Variants in DOP1B observed in about 807,000 individuals in gnomAD.
DOP1B encodes protein DOP1B.
In DOP1B, 174 loss-of-function variants were observed where a neutral mutation model predicts 233.5. The ratio of observed to expected loss-of-function variants is 0.75; its 90% CI spans 0.66 to 0.85. DOP1B has a LOEUF of 0.85. Ranked by LOEUF, DOP1B falls within the 40% of genes least tolerant of loss-of-function variation. The pLI, the probability that DOP1B is intolerant of heterozygous loss-of-function variation, is 0.00. For missense variants in DOP1B, 2,652 were observed against 2,846.6 expected, an observed-to-expected ratio of 0.93 and a Z score of 1.56; for synonymous variants, 1,190 against 1,185.6, an observed-to-expected ratio of 1.00 and a Z score of -0.08.
chr21:36,280,036 C>T (rs554518921), intron 30 of DOP1B, among the ~76,000 whole-genome samples: 1 of 152,246 alleles, frequency 6.6e-6, no homozygotes, highest in South Asian at 2.1e-4. Flanking sequence ...CCACCACGCC[C>T]TGCTAATTTT....
intron 30 of DOP1B, among the ~76,000 whole-genome samples, chr21:36,278,789 A>T (rs2067383139): frequency 6.6e-6 from 1 of 152,156 alleles, no homozygotes; most frequent in Non-Finnish European, 1.5e-5. Context: ...GAATCGCTTG[A>T]ACCTGGGAAG....
At chr21:36,184,318 C>T (rs983815098) in intron 2 of DOP1B, among the ~76,000 whole-genome samples, 4 of 151,630 alleles carry the variant, frequency 2.6e-5, no homozygotes, top group Non-Finnish European at 5.9e-5. Flanking sequence ...CAGAGTGCTG[C>T]GATTACAGGT....
intron 4 of DOP1B, among the ~76,000 whole-genome samples, chr21:36,200,739 A>T (rs538083366): frequency 3.3e-5 from 5 of 151,518 alleles, no homozygotes; most frequent in Non-Finnish European, 7.4e-5. Flanking sequence ...GCTACTCGGG[A>T]GGCTGAGGCA....
At chr21:36,280,968 C>T (rs1055614766) in intron 31 of DOP1B, among the ~76,000 whole-genome samples, 3 of 151,942 alleles carry the variant, frequency 2.0e-5, no homozygotes, top group Non-Finnish European at 4.4e-5. Context: ...TGCCACTGCA[C>T]TCCAGCCTGG....
In DOP1B at chr21:36,223,230, G is replaced by A. The variant is rs1215652003; in HGVS notation, c.1251-1G>A. 1 of 1,596,232 alleles carries A rather than the reference G, an allele frequency of 6.3e-7. No individual in the cohort carries two copies. Among genetic ancestry groups the A allele is most frequent in the Non-Finnish European group, 8.5e-7 (1 of 1,174,948 alleles). On this transcript the variant is annotated splice_acceptor_variant, in intron 10 of 36. Coordinates refer to ENST00000691173, the MANE Select transcript of DOP1B (RefSeq NM_001320714.2). LOFTEE classifies it high-confidence loss of function. The stretch of plus-strand genomic sequence containing the variant: ...TTTATTCATGTCCTCCCCTTTTACA[G>A]TGCAATCAAGGAAAACAGAAATGCC...
In DOP1B at chr21:36,230,530, C is replaced by A; in HGVS notation, c.1746C>A (p.Pro582=). 1.9e-6 allele frequency: 3 copies of A among 1,614,040 alleles called. No individual in the cohort carries two copies. Among genetic ancestry groups the A allele is most frequent in the Non-Finnish European group, 2.5e-6 (3 of 1,179,934 alleles). ...CCGGTGACGAAGATGCTTCGTTTCCCCCTCTGAAGTCTGAGGACAGTGGGA... is the reference window on the plus strand; with the variant it reads ...CCGGTGACGAAGATGCTTCGTTTCCACCTCTGAAGTCTGAGGACAGTGGGA... The part of the protein sequence containing the change: ...VIPGDEDASF[P]PLKSEDSGIG... Residue 582 remains proline, a synonymous_variant, in exon 14 of 37, where the codon CCC becomes CCA. Coordinates refer to ENST00000691173, the MANE Select transcript of DOP1B (RefSeq NM_001320714.2).
chr21:36,256,920 C>CT (rs1419100238), intron 23 of DOP1B, among the ~76,000 whole-genome samples: 1 of 152,154 alleles, frequency 6.6e-6, no homozygotes, highest in African/African-American at 2.4e-5. Context: ...AATTCCTACT[C>CT]TATCTGCTTG....
At chr21:36,159,026 G>A (rs2065846253) in intron 1 of DOP1B, among the ~76,000 whole-genome samples, 1 of 151,976 alleles carries the variant, frequency 6.6e-6, no homozygotes, top group Admixed American at 6.6e-5. Context: ...CAGCTACTCG[G>A]GAGGCTGAGG....
intron 2 of DOP1B, among the ~76,000 whole-genome samples, chr21:36,167,846 T>TTA (rs1391550963): frequency 1.3e-5 from 2 of 151,998 alleles, no homozygotes; most frequent in African/African-American, 4.8e-5. Context: ...TTCATCCATG[T>TTA]TATAGTATGT....
chr21:36,171,107 A>G (rs1452336288), intron 2 of DOP1B, among the ~76,000 whole-genome samples: 1 of 152,204 alleles, frequency 6.6e-6, no homozygotes, highest in Non-Finnish European at 1.5e-5. Context: ...CCACTTGTGC[A>G]AGGCCACTGC....
intron 18 of DOP1B, among the ~76,000 whole-genome samples, chr21:36,241,740 C>T (rs1241955254): frequency 7.3e-6 from 1 of 137,692 alleles, no homozygotes; most frequent in African/African-American, 2.7e-5. Context: ...AGGGTTTCAC[C>T]ATGTTGGTCA....
rs539630662 is a variant in DOP1B, at chr21:36,283,601, CTG to C, written c.6160+1993_6160+1994del. Reference sequence around the variant, plus strand: ...CAGTTGGCGTGCCTTGCTTGAATAACTGTGATAGGAGGATGATTTAATCAGAC... The same window carrying C: ...CAGTTGGCGTGCCTTGCTTGAATAACTGATAGGAGGATGATTTAATCAGAC... On this transcript the variant is annotated intron_variant, in intron 32 of 36. Transcript: ENST00000691173. 3.7e-3 allele frequency among the ~76,000 whole-genome samples: 557 copies of C among 152,266 alleles called. 3 individuals are homozygous for C. The highest frequency in any genetic ancestry group is 6.3e-3 in the Non-Finnish European group (429 of 68,028).
In DOP1B at chr21:36,245,505, G is replaced by A; in HGVS notation, c.3525G>A (p.Lys1175=). The change falls in exon 19 of 37, where the codon AAG becomes AAA. Residue 1175 remains lysine (K), a synonymous_variant. Transcript: ENST00000691173. The surrounding 1 kb of genome is among the most constrained non-coding windows in gnomAD (Gnocchi z 5.5). The part of the protein sequence containing the change: ...FQSESFKAGA[K]LSLVRVDSDK... The stretch of plus-strand genomic sequence containing the variant: ...CAGAAAGCTTCAAGGCTGGGGCCAA[G>A]TTAAGCCTGGTGCGGGTGGACTCGG... 3 of 1,613,638 alleles carry A rather than the reference G, an allele frequency of 1.9e-6. No individual in the cohort carries two copies. The highest frequency in any genetic ancestry group is 2.5e-6 in the Non-Finnish European group (3 of 1,180,036).
At chr21:36,254,007 A>G in intron 23 of DOP1B, 98 bp downstream of exon 23, 1 of 1,442,146 alleles carries the variant, frequency 6.9e-7, no homozygotes, top group South Asian at 1.3e-5. Context: ...AGGGAAGGAT[A>G]GGTAACAAGA....
At chr21:36,284,547 G>A (rs899402540) in intron 32 of DOP1B, among the ~76,000 whole-genome samples, 1 of 152,052 alleles carries the variant, frequency 6.6e-6, no homozygotes, top group Non-Finnish European at 1.5e-5. Context: ...GGGATTACAG[G>A]CATGAGCCAC....
intron 23 of DOP1B, 85 bp from the exon 24 acceptor site, chr21:36,260,592 T>TGTTTG (rs2067158986): frequency 1.3e-6 from 2 of 1,581,942 alleles, no homozygotes; most frequent in Admixed American, 3.5e-5. Context: ...TTTGTTAGGC[T>TGTTTG]ATAGATCTGT....
At chr21:36,171,725 CTT>C (rs2065973413) in intron 2 of DOP1B, among the ~76,000 whole-genome samples, 1 of 152,186 alleles carries the variant, frequency 6.6e-6, no homozygotes, top group Non-Finnish European at 1.5e-5. Context: ...TGATTTCAGA[CTT>C]AACATGAGAG....
Position 36,224,491 on chromosome 21 carries a change from TA to T in DOP1B, c.1371-1061del, listed in dbSNP as rs760926570. 5.8e-3 allele frequency among the ~76,000 whole-genome samples: 827 copies of T among 142,772 alleles called. 1 individual carries two copies. The highest frequency in any genetic ancestry group is 5.6e-3 in the Non-Finnish European group (366 of 64,954). 93.7% of individuals were successfully genotyped at this position (142,772 alleles called of 152,430 possible). ...CGCCGCATCTGGCCATCCTGGTTAT[TA>T]AAAAAAAAAAAAGAATAAAATGTTT... is the stretch of plus-strand genomic sequence containing the variant. On this transcript the variant is annotated intron_variant, in intron 11 of 36. Coordinates refer to ENST00000691173, the MANE Select transcript of DOP1B (RefSeq NM_001320714.2).
intron 2 of DOP1B, among the ~76,000 whole-genome samples, chr21:36,196,292 G>A (rs1486494661): frequency 6.6e-6 from 1 of 152,234 alleles, no homozygotes; most frequent in African/African-American, 2.4e-5. Flanking sequence ...TTGTTAGCCT[G>A]TGATCAGTAA....
Sources: gnomAD v4.1 joint callset for allele counts (sites outside exome capture counted in the v4.1 genomes callset) on GRCh38, gnomAD v4.1.1 for gene constraint, Gnocchi (gnomAD v3.1) non-coding constraint, MANE v1.5 for transcripts, NCBI Gene and HGNC (gene_info 2026-07-23, HGNC 2026-07-21) for gene names.